The following SLC25A42 variants were observed in gnomAD, a reference collection of about 807,000 sequenced individuals.
SLC25A42 encodes solute carrier family 25 member 42.
Under a neutral mutation model 34.7 loss-of-function variants are expected in SLC25A42, and 19 were observed. The observed-to-expected ratio is 0.55, with a 90% CI of 0.38 to 0.80. The LOEUF (loss-of-function observed/expected upper bound fraction) is 0.80, where lower values mean the gene tolerates loss of function less well. SLC25A42 is among the 30% of genes least tolerant of loss of function. SLC25A42 has a pLI of 0.00. For missense variants in SLC25A42, 364 were observed against 441.3 expected (o/e 0.82, Z 1.57); for synonymous variants, 205 against 191.2 (o/e 1.07, Z -0.59).
rs535457015 is a variant in SLC25A42 at position 19,101,845 on chromosome 19, C to T, written c.146C>T (p.Thr49Ile). The part of the protein sequence containing the change: ...SGALAGALAK[T>I]AVAPLDRTKI... The stretch of plus-strand genomic sequence containing the variant: ...GCCCTGGCTGGTGCCCTTGCCAAAA[C>T]AGCGGTAGCTCCCCTGGACCGAACC... Residue 49 changes from threonine (T) to isoleucine (I), a missense_variant, in exon 3 of 8, where the codon ACA becomes ATA. By Grantham distance (89) the Thr-to-Ile change is moderately conservative. Coordinates refer to ENST00000318596, the MANE Select transcript of SLC25A42 (RefSeq NM_178526.5). The T allele has an allele frequency of 2.5e-6, 4 of 1,613,856 alleles. No homozygotes were observed. Among genetic ancestry groups the T allele is most frequent in the Non-Finnish European group, 3.4e-6 (4 of 1,179,890 alleles).
At chr19:19,068,540 G>A (rs181895007) in intron 1 of SLC25A42, among the ~76,000 whole-genome samples, 5 of 151,716 alleles carry the variant, frequency 3.3e-5, no homozygotes, top group East Asian at 1.9e-4. Context: ...GTTGGTGGGC[G>A]CCTGTATTCC....
chr19:19,105,480 T>A, intron 4 of SLC25A42, 81 bp from the exon 5 acceptor site: 4 of 1,533,970 alleles, frequency 2.6e-6, no homozygotes, highest in Non-Finnish European at 3.5e-6. Flanking sequence ...CCTCCGCACT[T>A]TGGGCGCTCT....
intron 2 of SLC25A42, among the ~76,000 whole-genome samples, chr19:19,100,947 G>A (rs1255674030): frequency 2.0e-5 from 3 of 152,182 alleles, no homozygotes; most frequent in African/African-American, 7.2e-5. Flanking sequence ...CCATGGCCGA[G>A]TCCACTGGGG....
At chr19:19,096,329 C>A in intron 2 of SLC25A42, 124 bp downstream of exon 2, 1 of 681,928 alleles carries the variant, frequency 1.5e-6, no homozygotes, top group Non-Finnish European at 2.5e-6. Flanking sequence ...TCAGGGATTC[C>A]TCTGCTGTGC....
At chr19:19,086,660 A>G (rs1444179447) in intron 1 of SLC25A42, among the ~76,000 whole-genome samples, 1 of 151,664 alleles carries the variant, frequency 6.6e-6, no homozygotes, top group Non-Finnish European at 1.5e-5. Flanking sequence ...TTTCGTTTTG[A>G]GACATAGTCT....
intron 1 of SLC25A42, among the ~76,000 whole-genome samples, chr19:19,083,551 C>T (rs2059691549): frequency 6.6e-6 from 1 of 152,234 alleles, no homozygotes; most frequent in African/African-American, 2.4e-5. Context: ...TGCCCCTGCC[C>T]TGCCCAGCAG....
rs762767863 is a variant in SLC25A42, at chr19:19,105,681, G to A, written c.334G>A (p.Glu112Lys). 1.9e-6 allele frequency: 3 copies of A among 1,612,310 alleles called. No homozygotes were observed. Among genetic ancestry groups the A allele is most frequent in the Non-Finnish European group, 2.5e-6 (3 of 1,179,288 alleles). The change falls in exon 5 of 8, where the codon GAG (glutamate) becomes AAG (lysine). Residue 112 changes from glutamate to lysine, a missense_variant. Transcript: ENST00000318596. ...CGCCGCCATCCAGTTCAGCGCACAC[G>A]AGGAGTACAAGCGCATCCTGGGCAG... ...PYAAIQFSAHEEYKRILGSYY... is the reference protein window; with the variant it reads ...PYAAIQFSAHKEYKRILGSYY...
At chr19:19,078,337 C>G (rs1207681462) in intron 1 of SLC25A42, among the ~76,000 whole-genome samples, 1 of 152,142 alleles carries the variant, frequency 6.6e-6, no homozygotes, top group African/African-American at 2.4e-5. Flanking sequence ...CCTGACACAG[C>G]CTCAGCCTGT....
chr19:19,096,968 G>T (rs1456472231), intron 2 of SLC25A42, among the ~76,000 whole-genome samples: 3 of 152,046 alleles, frequency 2.0e-5, no homozygotes, highest in Non-Finnish European at 4.4e-5. Context: ...AATGCAGAGA[G>T]CCAAAGGGGG....
Position 19,112,132 on chromosome 19 carries a change from C to CT in SLC25A42, c.*1257dup, listed in dbSNP as rs2059869253. On this transcript the variant is annotated 3_prime_UTR_variant, in exon 8 of 8. Transcript: ENST00000318596. The surrounding 1 kb of genome is among the most constrained non-coding windows in gnomAD (Gnocchi z 4.3). ...GTTTTCAACTTGGCTGACCCCGGGTCTATGATCTATTCACATCGAACCCCT... is the reference window on the plus strand; with the variant it reads ...GTTTTCAACTTGGCTGACCCCGGGTCTTATGATCTATTCACATCGAACCCCT... The CT allele has an allele frequency of 6.6e-6, 1 of 152,254 alleles. No individual in the cohort carries two copies. Among genetic ancestry groups the CT allele is most frequent in the Non-Finnish European group, 1.5e-5 (1 of 68,062 alleles). The allele number at this position is 152,254 out of a possible 1,614,324, so 9.4% of individuals were successfully genotyped here.
At chr19:19,103,624 G>T (rs2059810069) in intron 3 of SLC25A42, among the ~76,000 whole-genome samples, 1 of 152,220 alleles carries the variant, frequency 6.6e-6, no homozygotes, top group Non-Finnish European at 1.5e-5. Flanking sequence ...CCTCTGAAGA[G>T]GTGGCCTTTG....
intron 1 of SLC25A42, among the ~76,000 whole-genome samples, chr19:19,074,303 TG>T (rs1430096115): frequency 6.6e-6 from 1 of 152,184 alleles, no homozygotes; most frequent in Non-Finnish European, 1.5e-5. Flanking sequence ...TGAGGCAGCC[TG>T]CGGGGTTGGG....
At chr19:19,096,920 G>A (rs780408591) in intron 2 of SLC25A42, among the ~76,000 whole-genome samples, 2 of 152,060 alleles carry the variant, frequency 1.3e-5, no homozygotes, top group Admixed American at 6.5e-5. Flanking sequence ...CTGAGCGACA[G>A]GGTGAAACCC....
chr19:19,086,352 TCGAACTCCTGACCTCAGGTGATCCACCTG>T (rs1162908282), intron 1 of SLC25A42, among the ~76,000 whole-genome samples: 7 of 151,986 alleles, frequency 4.6e-5, no homozygotes, highest in African/African-American at 1.7e-4. Context: ...CAGGCTGGTC[TCGAACTCCTGACCTCAGGTGATCCACCTG>T]CCTCGGCATC....
Position 19,073,453 on chromosome 19 carries a change from G to A in SLC25A42, c.-35+9338G>A, listed in dbSNP as rs530839085. Among the ~76,000 whole-genome samples, 21 of 152,308 alleles carry A rather than the reference G, an allele frequency of 1.4e-4. No individual in the cohort carries two copies. In the South Asian group the frequency reaches 3.3e-3, roughly 24 times the overall value. The stretch of plus-strand genomic sequence containing the variant: ...GGATGCAGAGAAGTTTGCCAGGATC[G>A]GAGACTGCGGCCAAAGCAAAACTTG... On this transcript the variant is annotated intron_variant, in intron 1 of 7. Coordinates refer to ENST00000318596, the MANE Select transcript of SLC25A42 (RefSeq NM_178526.5).
At chr19:19,095,475 TG>T (rs2059759670) in intron 1 of SLC25A42, among the ~76,000 whole-genome samples, 1 of 152,054 alleles carries the variant, frequency 6.6e-6, no homozygotes, top group Non-Finnish European at 1.5e-5. Flanking sequence ...TAGCTGGGTG[TG>T]GTAGCAGGCG....
chr19:19,072,079 C>G (rs2059633464), intron 1 of SLC25A42, among the ~76,000 whole-genome samples: 3 of 152,112 alleles, frequency 2.0e-5, no homozygotes. Context: ...TCTCCAATTC[C>G]TGGGCTCGAG....
chr19:19,075,937 G>A (rs1259676797), intron 1 of SLC25A42, among the ~76,000 whole-genome samples: 1 of 152,142 alleles, frequency 6.6e-6, no homozygotes, highest in Non-Finnish European at 1.5e-5. Flanking sequence ...TTGGTCTTTG[G>A]GGGCAGCACC....
chr19:19,078,242 G>A (rs1042564115), intron 1 of SLC25A42, among the ~76,000 whole-genome samples: 1 of 152,116 alleles, frequency 6.6e-6, no homozygotes, highest in Non-Finnish European at 1.5e-5. Flanking sequence ...AGACCCAGCC[G>A]GCATTGGGCG....
Sources: gnomAD v4.1 joint callset for allele counts (sites outside exome capture counted in the v4.1 genomes callset) on GRCh38, gnomAD v4.1.1 for gene constraint, Gnocchi (gnomAD v3.1) non-coding constraint, MANE v1.5 for transcripts, NCBI Gene and HGNC (gene_info 2026-07-23, HGNC 2026-07-21) for gene names.